Variants in POLR3E observed in about 807,000 individuals in gnomAD.
The protein encoded by POLR3E is RNA polymerase III subunit E, also known as DNA-directed RNA polymerase III subunit RPC5.
In POLR3E, 41 loss-of-function variants were observed where a neutral mutation model predicts 96.6. The observed-to-expected ratio is 0.42, with a 90% CI of 0.33 to 0.55. The LOEUF is 0.55. Among genes scored for constraint, POLR3E ranks in the 20% least tolerant of loss-of-function variants. The probability of loss-of-function intolerance (pLI) is 0.06; values close to 1 mark genes in which losing one functional copy is unlikely to be tolerated. For missense variants in POLR3E, 849 were observed against 952.1 expected (o/e 0.89, Z 1.43); for synonymous variants, 396 against 383.6 (o/e 1.03, Z -0.38).
In POLR3E at chr16:22,326,291, C is replaced by T. The variant is rs768399214; in HGVS notation, c.1866+13C>T. The T allele has an allele frequency of 2.9e-5, 45 of 1,550,228 alleles. No homozygotes were observed. The highest frequency in any genetic ancestry group is 3.7e-5 in the Non-Finnish European group (43 of 1,147,086). On this transcript the variant is annotated intron_variant, in intron 18 of 20. Transcript: ENST00000299853. ...GATACTGGTGCCTGTAAGTAGAGCC[C>T]TGCCTGCCAGGGGCATGGGGGGTGG...
rs371835301 is a variant in POLR3E at position 22,334,882 on chromosome 16, C to T, written c.*1182C>T. ...CTTTCGCCATCTTTTTTGTACAACA[C>T]AGTCACTAATTGTCTGAAGGTTTAA... On this transcript the variant is annotated 3_prime_UTR_variant, in exon 21 of 21. Transcript: ENST00000299853. The T allele has an allele frequency of 1.1e-4, 16 of 152,316 alleles. No individual in the cohort carries two copies. In the East Asian group the frequency reaches 1.3e-3, roughly 13 times the overall value. 9.4% of individuals were successfully genotyped at this position (152,316 alleles called of 1,614,324 possible).
chr16:22,331,700 C>T (rs2048744260), intron 19 of POLR3E: 1 of 166,620 alleles, frequency 6.0e-6, no homozygotes, highest in African/African-American at 2.4e-5. Flanking sequence ...ATTGTCGCTT[C>T]ACCTGCTTGC....
rs2048793827 is a variant in POLR3E, at chr16:22,333,793, A to T, written c.*93A>T. The T allele has an allele frequency of 2.4e-6, 2 of 848,570 alleles. No homozygotes were observed. Among genetic ancestry groups the T allele is most frequent in the East Asian group, 2.4e-5 (1 of 40,922 alleles). The allele number at this position is 848,570 out of a possible 1,614,324, so 52.6% of individuals were successfully genotyped here. The stretch of plus-strand genomic sequence containing the variant: ...CCTCGACTTGCTTCAGACGACACAG[A>T]GCAAGAGGAACTGACCATCTCATGA... On this transcript the variant is annotated 3_prime_UTR_variant, in exon 21 of 21. Transcript: ENST00000299853.
Position 22,314,276 on chromosome 16 carries a change from C to G in POLR3E, c.522+148C>G, listed in dbSNP as rs994416661. ...TTGCTGGGCTACCTGGAGGGAACAA[C>G]CTGAGTTGTTCCAGCTATACACAAG... On this transcript the variant is annotated intron_variant, in intron 8 of 20. Transcript: ENST00000299853. The G allele has an allele frequency of 6.0e-6, 4 of 668,474 alleles. No individual in the cohort carries two copies. In the Admixed American group the frequency reaches 9.0e-5, roughly 15 times the overall value. 41.4% of individuals were successfully genotyped at this position (668,474 alleles called of 1,614,324 possible).
At chr16:22,327,519 C>G (rs745894526) in intron 18 of POLR3E, 1 of 152,310 alleles carries the variant, frequency 6.6e-6, no homozygotes, top group Non-Finnish European at 1.5e-5. Flanking sequence ...TTCCGGACCC[C>G]CTCTGTCCAT....
At chr16:22,328,767 A>G (rs2048667068) in intron 19 of POLR3E, 180 bp downstream of exon 19, 1 of 593,634 alleles carries the variant, frequency 1.7e-6, no homozygotes, top group Non-Finnish European at 3.1e-6. Context: ...ATGTGCCAAT[A>G]GTTTGAACCT....
rs1429692916 is a variant in POLR3E at position 22,322,499 on chromosome 16, C to T, written c.987-351C>T. 1.3e-5 allele frequency among the ~76,000 whole-genome samples: 2 copies of T among 152,146 alleles called. No homozygotes were observed. The highest frequency in any genetic ancestry group is 2.9e-5 in the Non-Finnish European group (2 of 68,040). ...GTTCTCTTGGTGTCACGTGCAGGGACCAGTTGTCTTCCAGAGTCCTGGGCT... is the reference window on the plus strand; with the variant it reads ...GTTCTCTTGGTGTCACGTGCAGGGATCAGTTGTCTTCCAGAGTCCTGGGCT... On this transcript the variant is annotated intron_variant, in intron 13 of 20. Coordinates refer to ENST00000299853, the MANE Select transcript of POLR3E (RefSeq NM_018119.4). The surrounding 1 kb of genome is among the most constrained non-coding windows in gnomAD (Gnocchi z 5.2).
At chr16:22,314,944 G>A (rs1318422637) in intron 8 of POLR3E, 145 bp from the exon 9 acceptor site, 12 of 787,212 alleles carry the variant, frequency 1.5e-5, no homozygotes, top group Middle Eastern at 3.8e-4. Flanking sequence ...CGGTTGGAAC[G>A]GAATTTAAAC....
Position 22,327,365 on chromosome 16 carries a change from G to A in POLR3E, c.1866+1087G>A, listed in dbSNP as rs538395627. The A allele has an allele frequency of 2.0e-5, 3 of 152,454 alleles. No individual in the cohort carries two copies. The East Asian group carries it at 5.8e-4, about 29-fold the overall frequency. The allele number at this position is 152,454 out of a possible 1,614,324, so 9.4% of individuals were successfully genotyped here. On this transcript the variant is annotated intron_variant, in intron 18 of 20. Transcript: ENST00000299853. ...GAGCTCCTGCCCACCCAGCACATGG[G>A]TCTGGGTCTCCACAAGCTCACCTTT...
intron 1 of POLR3E, among the ~76,000 whole-genome samples, chr16:22,300,268 C>G (rs9930995): frequency 0.051 from 7,790 of 152,206 alleles, 496 homozygotes; most frequent in African/African-American, 0.15. Context: ...TATGTATGTT[C>G]TGGGTTATTT....
intron 1 of POLR3E, among the ~76,000 whole-genome samples, chr16:22,298,762 G>A (rs943779187): frequency 1.5e-4 from 23 of 152,186 alleles, no homozygotes; most frequent in African/African-American, 5.1e-4. Flanking sequence ...CCAAATTGAA[G>A]ATGATAAATC....
At chr16:22,324,316 G>A (rs763879009) in intron 14 of POLR3E, 38 bp from the exon 15 acceptor site, 12 of 1,583,082 alleles carry the variant, frequency 7.6e-6, no homozygotes, top group East Asian at 2.2e-5. Context: ...GGAGCAGTCC[G>A]TGGCCGCCCC....
chr16:22,326,518 T>G, intron 18 of POLR3E: 1 of 571,560 alleles, frequency 1.7e-6, no homozygotes, highest in Non-Finnish European at 3.2e-6. Context: ...AGGCCCGGCC[T>G]ATTGCCTGGC....
Position 22,316,662 on chromosome 16 carries a change from A to G in POLR3E, c.704A>G (p.Asn235Ser). The G allele has an allele frequency of 6.2e-7, 1 of 1,614,030 alleles. No homozygotes were observed. The highest frequency in any genetic ancestry group is 1.1e-5 in the South Asian group (1 of 91,084). Reference protein sequence around the residue: ...LLCPGSSGVENTELVKSPSEY... With the variant: ...LLCPGSSGVESTELVKSPSEY... ...TGCCCCGGCTCAAGCGGGGTGGAGA[A>G]CACGGAGCTCGTCAAGTCACCCAGG... is the stretch of plus-strand genomic sequence containing the variant. The change falls in exon 10 of 21, where the codon AAC (asparagine) becomes AGC (serine). Residue 235 changes from asparagine to serine, a missense_variant. Coordinates refer to ENST00000299853, the MANE Select transcript of POLR3E (RefSeq NM_018119.4).
At chr16:22,298,968 C>T in intron 1 of POLR3E, 1 of 455,906 alleles carries the variant, frequency 2.2e-6, no homozygotes, top group African/African-American at 2.0e-5. Flanking sequence ...GAAACTGAAG[C>T]ACTGAGAAGC....
At position 22,326,090 on chromosome 16, in the gene POLR3E, C is replaced by G; in HGVS notation, c.1678C>G (p.Arg560Gly). ...PQGCASTPVARELKAFVEATF... is the reference protein window; with the variant it reads ...PQGCASTPVAGELKAFVEATF... ...GGGCTGCGCCAGCACCCCTGTGGCTCGGGAACTGAAGGCCTTCGTGGAGGC... is the reference window on the plus strand; with the variant it reads ...GGGCTGCGCCAGCACCCCTGTGGCTGGGGAACTGAAGGCCTTCGTGGAGGC... The change falls in exon 18 of 21, where the codon CGG becomes GGG. Residue 560 changes from arginine to glycine, a missense_variant. Physicochemically the swap from Arg to Gly is moderately radical, Grantham distance 125. Transcript: ENST00000299853. 1.9e-6 allele frequency: 3 copies of G among 1,613,316 alleles called. No homozygotes were observed. Among genetic ancestry groups the G allele is most frequent in the Non-Finnish European group, 2.5e-6 (3 of 1,179,688 alleles).
At chr16:22,328,409 T>C in intron 18 of POLR3E, 101 bp from the exon 19 acceptor site, 1 of 966,838 alleles carries the variant, frequency 1.0e-6, no homozygotes. Flanking sequence ...TTGGAACCCA[T>C]GTTCCTGCAT....
chr16:22,333,565 G>T, intron 20 of POLR3E, 79 bp from the exon 21 acceptor site: 2 of 953,394 alleles, frequency 2.1e-6, no homozygotes, highest in South Asian at 1.3e-5. Flanking sequence ...ATCATAAATC[G>T]AGTGTTGACA....
chr16:22,321,404 C>A (rs2048469034), intron 13 of POLR3E, among the ~76,000 whole-genome samples: 1 of 152,236 alleles, frequency 6.6e-6, no homozygotes, highest in Non-Finnish European at 1.5e-5. Context: ...GTTACTGCCA[C>A]CTGGTGGCGC....
Sources: allele counts gnomAD v4.1 joint callset (sites outside exome capture counted in the v4.1 genomes callset), GRCh38; gene constraint gnomAD v4.1.1; non-coding constraint Gnocchi (gnomAD v3.1); transcripts MANE v1.5; gene names NCBI Gene and HGNC (gene_info 2026-07-23, HGNC 2026-07-21).